WSB2: variants seen among roughly 807,000 people sequenced by gnomAD.
WSB2 encodes WD repeat and SOCS box containing 2.
Under a neutral mutation model 48.8 loss-of-function variants are expected in WSB2, and 12 were observed. That is an observed-to-expected ratio of 0.25 (90% CI 0.16 to 0.40). The LOEUF is 0.40. Ranked by LOEUF, WSB2 falls within the 10% of genes least tolerant of loss-of-function variation. WSB2 has a pLI of 1.00. For synonymous variants in WSB2, 191 were observed against 203.1 expected, an observed-to-expected ratio of 0.94 and a Z score of 0.51; for missense variants, 317 against 506.2, an observed-to-expected ratio of 0.63 and a Z score of 3.59.
chr12:118,046,402 G>A (rs1214899293), intron 2 of WSB2, among the ~76,000 whole-genome samples: 1 of 150,584 alleles, frequency 6.6e-6, no homozygotes, highest in Admixed American at 6.7e-5. Flanking sequence ...GGCAGAGGTT[G>A]CAGTGAACCG....
At chr12:118,038,605 C>T (rs569064303) in intron 4 of WSB2, among the ~76,000 whole-genome samples, 5 of 152,290 alleles carry the variant, frequency 3.3e-5, no homozygotes, top group East Asian at 1.9e-4. Flanking sequence ...TAATTCCCCA[C>T]GGAAACCAGT....
Position 118,035,241 on chromosome 12 carries a change from A to G in WSB2, c.917T>C (p.Leu306Ser). 6.2e-7 allele frequency: 1 copy of G among 1,614,210 alleles called. No individual in the cohort carries two copies. Among genetic ancestry groups the G allele is most frequent in the Non-Finnish European group, 8.5e-7 (1 of 1,180,038 alleles). ...GTCATCTGCCACCGTGGCAAGGTAC[A>G]AGCCTTCTGGAGAGAAGCACACAGA... ...LRSVCFSPEG[L>S]YLATVADDRL... Residue 306 changes from leucine to serine, a missense_variant, in exon 7 of 9, where the codon TTG becomes TCG. Leu to Ser is a moderately radical substitution (Grantham distance 145). Transcript: ENST00000315436.
chr12:118,053,514 C>G (rs1354803882), intron 1 of WSB2, among the ~76,000 whole-genome samples: 1 of 152,146 alleles, frequency 6.6e-6, no homozygotes, highest in African/African-American at 2.4e-5. Context: ...CTGCCCCCCG[C>G]CCTCGTCATC....
At chr12:118,053,297 G>T (rs2069753601) in intron 1 of WSB2, among the ~76,000 whole-genome samples, 1 of 152,014 alleles carries the variant, frequency 6.6e-6, no homozygotes, top group African/African-American at 2.4e-5. Context: ...AAATCTCCTT[G>T]ACATGCAAGG....
chr12:118,043,503 G>C, intron 2 of WSB2, 126 bp from the exon 3 acceptor site: 2 of 1,419,552 alleles, frequency 1.4e-6, no homozygotes, highest in Non-Finnish European at 1.9e-6. Flanking sequence ...GGCGTACAGT[G>C]ACACAATCAT....
At chr12:118,035,426 G>A in intron 6 of WSB2, 102 bp from the exon 7 acceptor site, 3 of 939,736 alleles carry the variant, frequency 3.2e-6, no homozygotes, top group Non-Finnish European at 5.0e-6. Flanking sequence ...GCTACAAAAG[G>A]GCTCAAGATG....
chr12:118,043,769 A>C (rs1322435524), intron 2 of WSB2, among the ~76,000 whole-genome samples: 1 of 152,022 alleles, frequency 6.6e-6, no homozygotes, highest in African/African-American at 2.4e-5. Flanking sequence ...AAATCCTAGA[A>C]ACAAGCTGGC....
intron 2 of WSB2, among the ~76,000 whole-genome samples, chr12:118,045,963 C>T (rs542396687): frequency 2.0e-5 from 3 of 152,236 alleles, no homozygotes; most frequent in Non-Finnish European, 4.4e-5. Context: ...TCTCTCTGTG[C>T]CTAGTGCATT....
intron 1 of WSB2, among the ~76,000 whole-genome samples, chr12:118,059,255 G>A (rs1200756530): frequency 6.6e-6 from 1 of 151,866 alleles, no homozygotes; most frequent in Non-Finnish European, 1.5e-5. Flanking sequence ...ACATGTAGCA[G>A]GAATATTTTA....
intron 8 of WSB2, chr12:118,034,584 T>TCTCTCTCTCTCTCTCTCTCTCTCTCTCTC (rs33933604): frequency 4.2e-5 from 22 of 521,664 alleles, no homozygotes; most frequent in Non-Finnish European, 4.9e-5. Context: ...GCTCTCTCTG[T>TCTCTCTCTCTCTCTCTCTCTCTCTCTCTC]CTCTCTCTCG....
upstream of WSB2, chr12:118,062,010 G>T: frequency 7.8e-7 from 1 of 1,284,118 alleles, no homozygotes; most frequent in Non-Finnish European, 1.1e-6. Context: ...GGTGGGGAGA[G>T]GAGGGCAGGG....
chr12:118,042,515 T>A, intron 4 of WSB2: 1 of 253,554 alleles, frequency 3.9e-6, no homozygotes, highest in Non-Finnish European at 7.6e-6. Flanking sequence ...AACTAGTTCT[T>A]GGTAGCCAAA....
rs545549452 is a variant in WSB2 at position 118,043,217 on chromosome 12, G to A, written c.343C>T (p.His115Tyr). 1 of 1,614,246 alleles carries A rather than the reference G, an allele frequency of 6.2e-7. No individual in the cohort carries two copies. The highest frequency in any genetic ancestry group is 8.5e-7 in the Non-Finnish European group (1 of 1,180,050). The change falls in exon 3 of 9, where the codon CAC (histidine) becomes TAC (tyrosine). Residue 115 changes from histidine to tyrosine, a missense_variant. Around this residue, in one of 2 missense-constraint regions of WSB2, gnomAD observed 128 missense variants for 156.7 expected, o/e 0.82. Transcript: ENST00000315436. ...PPSRKLWARH[H>Y]PQVPDVSCLV... ...CAAGAGACATCGGGCACTTGGGGGT[G>A]GTGGCGTGCCCAGAGCTTCCTGCTG...
At chr12:118,043,808 TTTTG>T (rs1190016829) in intron 2 of WSB2, among the ~76,000 whole-genome samples, 1 of 152,014 alleles carries the variant, frequency 6.6e-6, no homozygotes, top group Non-Finnish European at 1.5e-5. Context: ...TGACTTTTCT[TTTTG>T]TTTCTTTTTA....
intron 2 of WSB2, among the ~76,000 whole-genome samples, chr12:118,044,604 A>G (rs1236978273): frequency 2.0e-5 from 3 of 152,216 alleles, no homozygotes; most frequent in African/African-American, 7.2e-5. Context: ...AGGGCTGTGT[A>G]GAGGTATCCT....
intron 4 of WSB2, among the ~76,000 whole-genome samples, chr12:118,040,799 G>A (rs1185175306): frequency 6.6e-6 from 1 of 152,180 alleles, no homozygotes; most frequent in Non-Finnish European, 1.5e-5. Flanking sequence ...TGTAATCCCA[G>A]CACTTTAGGA....
At chr12:118,045,111 T>C (rs1416457062) in intron 2 of WSB2, among the ~76,000 whole-genome samples, 2 of 152,198 alleles carry the variant, frequency 1.3e-5, no homozygotes, top group African/African-American at 4.8e-5. Flanking sequence ...GTGCGGTGGC[T>C]CATGCTTGTA....
At chr12:118,049,692 C>G (rs530698832) in intron 2 of WSB2, among the ~76,000 whole-genome samples, 1 of 152,026 alleles carries the variant, frequency 6.6e-6, no homozygotes, top group Admixed American at 6.6e-5. Flanking sequence ...CATCAGGTAC[C>G]GCGCCCAGCC....
chr12:118,039,262 G>T (rs1214392440), intron 4 of WSB2, among the ~76,000 whole-genome samples: 1 of 152,068 alleles, frequency 6.6e-6, no homozygotes, highest in African/African-American at 2.4e-5. Context: ...ATAACCCAGG[G>T]TGTCTCACAC....
Sources: allele counts gnomAD v4.1 joint callset (sites outside exome capture counted in the v4.1 genomes callset), GRCh38; gene constraint gnomAD v4.1.1; regional missense constraint gnomAD v4.1.1; transcripts MANE v1.5; gene names NCBI Gene and HGNC (gene_info 2026-07-23, HGNC 2026-07-21).